The following CLCF1 variants were observed in gnomAD, a reference collection of about 807,000 sequenced individuals.
CLCF1 encodes the protein cardiotrophin-like cytokine factor 1.
CLCF1 carries 10 observed loss-of-function variants against 21.2 expected under a neutral mutation model. The observed-to-expected ratio is 0.47, with a 90% CI of 0.29 to 0.80. CLCF1 has a LOEUF of 0.80. Ranked by LOEUF, CLCF1 falls within the 30% of genes least tolerant of loss-of-function variation. The probability of loss-of-function intolerance (pLI) is 0.09; values close to 1 mark genes in which losing one functional copy is unlikely to be tolerated. For synonymous variants in CLCF1, 115 were observed against 120.5 expected, an observed-to-expected ratio of 0.95 and a Z score of 0.30; for missense variants, 240 against 293.4, an observed-to-expected ratio of 0.82 and a Z score of 1.33.
chr11:67,367,002 A>G (rs2134879566), intron 2 of CLCF1, among the ~76,000 whole-genome samples: 1 of 152,198 alleles, frequency 6.6e-6, no homozygotes, highest in African/African-American at 2.4e-5. Context: ...TAGGAGGCCC[A>G]GCTAGGATGG....
intron 1 of CLCF1, chr11:67,370,808 G>T (rs996999018): frequency 1.0e-6 from 1 of 985,364 alleles, no homozygotes; most frequent in Non-Finnish European, 1.2e-6. Flanking sequence ...GATGTGCCAG[G>T]GTGCTTAGGG....
At chr11:67,367,081 G>C (rs949221947) in intron 2 of CLCF1, among the ~76,000 whole-genome samples, 1 of 152,150 alleles carries the variant, frequency 6.6e-6, no homozygotes, top group Non-Finnish European at 1.5e-5. Context: ...GCAGAGGCGA[G>C]CTGGAACGCA....
intron 1 of CLCF1, chr11:67,368,788 G>T (rs1862168884): frequency 1.0e-6 from 1 of 985,280 alleles, no homozygotes; most frequent in Non-Finnish European, 1.2e-6. Flanking sequence ...GCTGTGACTT[G>T]GTCGGTTTAG....
intron 1 of CLCF1, chr11:67,371,089 G>A: frequency 3.0e-6 from 3 of 985,310 alleles, no homozygotes; most frequent in Non-Finnish European, 3.6e-6. Flanking sequence ...GATGGAGTGG[G>A]TGAGGTCCAG....
In CLCF1 at chr11:67,365,169, T is replaced by G; in HGVS notation, c.645A>C (p.Ala215=). The change falls in exon 3 of 3, where the codon GCA becomes GCC. Residue 215 remains alanine (A), a synonymous_variant. Transcript: ENST00000312438. The surrounding 1 kb of genome is among the most constrained non-coding windows in gnomAD (Gnocchi z 5.0). ...LKKKMQPPAA[A]VTLHLGAHGF The stretch of plus-strand genomic sequence containing the variant: ...CATGAGCCCCCAGGTGCAGGGTGAC[T>G]GCAGCTGCTGGAGGCTGCATCTTCT... 2 of 1,614,026 alleles carry G rather than the reference T, an allele frequency of 1.2e-6. No individual in the cohort carries two copies. The highest frequency in any genetic ancestry group is 8.5e-7 in the Non-Finnish European group (1 of 1,180,030).
upstream of CLCF1, chr11:67,374,043 C>G (rs1862294823): frequency 1.0e-6 from 1 of 986,168 alleles, no homozygotes; most frequent in Non-Finnish European, 1.2e-6. Flanking sequence ...CTGATCCAAC[C>G]TACCTCTGCC....
Position 67,365,456 on chromosome 11 carries a change from G to C in CLCF1, c.358C>G (p.Leu120Val). ...TCAGCAGTGGCAGCCTGACGGTTGAGGCCACGCAAGTAACACAGAAGGTGG... is the reference window on the plus strand; with the variant it reads ...TCAGCAGTGGCAGCCTGACGGTTGACGCCACGCAAGTAACACAGAAGGTGG... ...YSHLLCYLRG[L>V]NRQAATAELR... Residue 120 changes from leucine to valine, a missense_variant, in exon 3 of 3, where the codon CTC (leucine) becomes GTC (valine). By Grantham distance (32) the Leu-to-Val change is conservative. Coordinates refer to ENST00000312438, the MANE Select transcript of CLCF1 (RefSeq NM_013246.3). This position sits in a 1 kb window ranked among gnomAD's most constrained non-coding sequence, Gnocchi z 5.0. 1 of 1,613,972 alleles carries C rather than the reference G, an allele frequency of 6.2e-7. No individual in the cohort carries two copies. The highest frequency in any genetic ancestry group is 8.5e-7 in the Non-Finnish European group (1 of 1,179,940).
Position 67,373,563 on chromosome 11 carries a change from G to A in CLCF1, c.-24C>T, listed in dbSNP as rs1862283876. On this transcript the variant is annotated 5_prime_UTR_variant, in exon 1 of 3. Coordinates refer to ENST00000312438, the MANE Select transcript of CLCF1 (RefSeq NM_013246.3). ...ATGGGGCTGGGGCCGGGCCGGCCGG[G>A]TGCGGCTCCTCTCCCGGAGGCTGGC... The A allele has an allele frequency of 2.2e-6, 3 of 1,373,310 alleles. No individual in the cohort carries two copies. The highest frequency in any genetic ancestry group is 2.8e-6 in the Non-Finnish European group (3 of 1,063,284). 85.1% of individuals were successfully genotyped at this position (1,373,310 alleles called of 1,614,324 possible). A position where few individuals can be genotyped will look rare whatever the true frequency, so the allele number is the denominator to read the frequency against.
intron 1 of CLCF1, chr11:67,369,731 T>C (rs3781942): frequency 0.1 from 103,349 of 985,296 alleles, 18,030 homozygotes; most frequent in African/African-American, 0.72. Context: ...CTAGGCTTCC[T>C]TCTTTACCCA....
intron 1 of CLCF1, chr11:67,371,149 C>T: frequency 1.1e-6 from 1 of 888,040 alleles, no homozygotes; most frequent in Non-Finnish European, 1.3e-6. Flanking sequence ...GACCTACCTT[C>T]CCAGGCAAAG....
upstream of CLCF1, chr11:67,374,117 C>T: frequency 1.0e-6 from 1 of 985,870 alleles, no homozygotes; most frequent in African/African-American, 1.7e-5. Context: ...CTCCTCCTCC[C>T]CCTTGAGTAA....
rs888164397 is a variant in CLCF1, at chr11:67,370,117, A to AG, written c.17-2492dup. ...GGGAGAAGAGGTTAGGAGAAAAGAA[A>AG]GGGGGGGTAGAAGGACAGGGCTCTG... is the stretch of plus-strand genomic sequence containing the variant. On this transcript the variant is annotated intron_variant, in intron 1 of 2. Coordinates refer to ENST00000312438, the MANE Select transcript of CLCF1 (RefSeq NM_013246.3). 3.2e-4 allele frequency: 318 copies of AG among 985,310 alleles called. 1 individual carries two copies. In the Admixed American group the frequency reaches 6.5e-3, roughly 20 times the overall value. The allele number at this position is 985,310 out of a possible 1,614,324, so 61.0% of individuals were successfully genotyped here.
intron 1 of CLCF1, chr11:67,369,039 A>T: frequency 1.0e-6 from 1 of 982,844 alleles, no homozygotes; most frequent in Non-Finnish European, 1.2e-6. Context: ...AGATAGGTAT[A>T]ACGCTTTGCC....
chr11:67,370,018 G>T (rs536423112), intron 1 of CLCF1: 17 of 985,280 alleles, frequency 1.7e-5, no homozygotes, highest in South Asian at 9.4e-5. Flanking sequence ...GGCTGCGGGT[G>T]GGGGGCAGGG....
intron 2 of CLCF1, among the ~76,000 whole-genome samples, chr11:67,367,036 C>G (rs1233508750): frequency 3.3e-5 from 5 of 152,146 alleles, no homozygotes; most frequent in Admixed American, 1.3e-4. Context: ...AAGGGAGGCC[C>G]CTGGGTCCAG....
chr11:67,373,057 G>A (rs2134904566), intron 1 of CLCF1, among the ~76,000 whole-genome samples: 1 of 145,884 alleles, frequency 6.9e-6, no homozygotes, highest in South Asian at 2.2e-4. Context: ...CCGGCGGGCC[G>A]GGGAGGGAGA....
chr11:67,364,946 C>G lies in CLCF1; in HGVS notation c.*190G>C. Reference sequence around the variant, plus strand: ...AGGACAGGGCCTACTGTACCTCCTCCCCAGCTCGGTAGACCTTTGGGAGGT... The same window carrying G: ...AGGACAGGGCCTACTGTACCTCCTCGCCAGCTCGGTAGACCTTTGGGAGGT... On this transcript the variant is annotated 3_prime_UTR_variant, in exon 3 of 3. Coordinates refer to ENST00000312438, the MANE Select transcript of CLCF1 (RefSeq NM_013246.3). 1 of 861,882 alleles carries G rather than the reference C, an allele frequency of 1.2e-6. No homozygotes were observed. The allele number at this position is 861,882 out of a possible 1,614,324, so 53.4% of individuals were successfully genotyped here. A position where few individuals can be genotyped will look rare whatever the true frequency, so the allele number is the denominator to read the frequency against.
intron 1 of CLCF1, chr11:67,371,099 G>C: frequency 2.0e-6 from 2 of 985,236 alleles, no homozygotes; most frequent in Non-Finnish European, 2.4e-6. Context: ...GTGAGGTCCA[G>C]GCATTGTGAC....
chr11:67,373,734 G>C (rs1216075542), upstream of CLCF1: 1 of 1,163,602 alleles, frequency 8.6e-7, no homozygotes, highest in East Asian at 3.6e-5. Context: ...TTTTTCTGAC[G>C]TGTAAAGCTG....
Sources: allele counts gnomAD v4.1 joint callset (sites outside exome capture counted in the v4.1 genomes callset), GRCh38; gene constraint gnomAD v4.1.1; non-coding constraint Gnocchi (gnomAD v3.1); transcripts MANE v1.5; gene names NCBI Gene and HGNC (gene_info 2026-07-23, HGNC 2026-07-21).